Variants in TRIM46 observed in about 807,000 individuals in gnomAD.
The protein encoded by TRIM46 is tripartite motif containing 46.
TRIM46 carries 17 observed loss-of-function variants against 69.7 expected under a neutral mutation model. That is an observed-to-expected ratio of 0.24 (90% CI 0.17 to 0.37). The LOEUF (loss-of-function observed/expected upper bound fraction) is 0.37. TRIM46 is among the 10% of genes least tolerant of loss of function. The pLI is 1.00. For missense variants in TRIM46, 675 were observed against 1,025.1 expected, an observed-to-expected ratio of 0.66 and a Z score of 4.66; for synonymous variants, 391 against 429.0, an observed-to-expected ratio of 0.91 and a Z score of 1.09.
chr1:155,177,968 G>A lies in TRIM46; in HGVS notation c.910-34G>A, dbSNP rs1665816427. On this transcript the variant is annotated intron_variant, in intron 5 of 9. Transcript: ENST00000334634. The stretch of plus-strand genomic sequence containing the variant: ...GCTGCCTCCAAAAAGAAGATAGTAA[G>A]TCACGCATCCTTTGGGTGTTGCTCC... The A allele has an allele frequency of 3.1e-6, 5 of 1,602,590 alleles. No homozygotes were observed. In the South Asian group the frequency reaches 3.3e-5, roughly 11 times the overall value.
intron 9 of TRIM46, among the ~76,000 whole-genome samples, chr1:155,183,133 A>T (rs1182381875): frequency 6.6e-6 from 1 of 151,800 alleles, no homozygotes; most frequent in Non-Finnish European, 1.5e-5. Flanking sequence ...GATGGTCTCA[A>T]TCTCCTGACC....
At position 155,176,129 on chromosome 1, in the gene TRIM46, C is replaced by T. The variant is rs771476246; in HGVS notation, c.567C>T (p.Cys189=). 1.9e-6 allele frequency: 3 copies of T among 1,614,048 alleles called. No homozygotes were observed. Among genetic ancestry groups the T allele is most frequent in the Admixed American group, 3.3e-5 (2 of 60,022 alleles). ...PLEATKGCTE[C]RATFCNECFK... is the part of the protein sequence containing the mutation. ...AGGCCACCAAGGGCTGCACAGAGTG[C>T]CGCGCCACCTTCTGCAATGAGTGCT... The change falls in exon 3 of 10, where the codon TGC becomes TGT. Residue 189 remains cysteine, a synonymous_variant. Coordinates refer to ENST00000334634, the MANE Select transcript of TRIM46 (RefSeq NM_025058.5).
At chr1:155,177,977 C>T in intron 5 of TRIM46, 25 bp from the exon 6 acceptor site, 1 of 1,608,410 alleles carries the variant, frequency 6.2e-7, no homozygotes, top group Non-Finnish European at 8.5e-7. Context: ...AGTCACGCAT[C>T]CTTTGGGTGT....
chr1:155,174,893 C>A (rs542327785), intron 1 of TRIM46: 3 of 1,404,226 alleles, frequency 2.1e-6, no homozygotes, highest in Admixed American at 3.3e-5. Context: ...GGCCGCAGGC[C>A]GGAGCTGCGG....
chr1:155,181,942 G>C lies in TRIM46; in HGVS notation c.1679G>C (p.Gly560Ala). The C allele has an allele frequency of 6.2e-7, 1 of 1,614,110 alleles. No individual in the cohort carries two copies. Among genetic ancestry groups the C allele is most frequent in the Non-Finnish European group, 8.5e-7 (1 of 1,180,032 alleles). The change falls in exon 9 of 10, where the codon GGG becomes GCG. Residue 560 changes from glycine to alanine, a missense_variant. Transcript: ENST00000334634. The surrounding 1 kb of genome is among the most constrained non-coding windows in gnomAD (Gnocchi z 4.3). ...KDQRAVRSVP[G>A]LPLLLAADRL... ...CAGCGAGCAGTACGGAGTGTTCCAGGGCTGCCCCTGCTGCTGGCTGCTGAC... is the reference window on the plus strand; with the variant it reads ...CAGCGAGCAGTACGGAGTGTTCCAGCGCTGCCCCTGCTGCTGGCTGCTGAC...
chr1:155,184,850 C>CT lies in TRIM46; in HGVS notation c.*661dup, dbSNP rs1268681287. On this transcript the variant is annotated 3_prime_UTR_variant, in exon 10 of 10. Transcript: ENST00000334634. This position sits in a 1 kb window ranked among gnomAD's most constrained non-coding sequence, Gnocchi z 5.6. ...CATTGGGTTGGGCCAGGCAAGGCCTCTGGTGCCCGCTGCCGTCCCCCTGCA... is the reference window on the plus strand; with the variant it reads ...CATTGGGTTGGGCCAGGCAAGGCCTCTTGGTGCCCGCTGCCGTCCCCCTGCA... 6.5e-6 allele frequency: 1 copy of CT among 153,076 alleles called. No homozygotes were observed. Among genetic ancestry groups the CT allele is most frequent in the Non-Finnish European group, 1.5e-5 (1 of 68,344 alleles). The allele number at this position is 153,076 out of a possible 1,614,324, so 9.5% of individuals were successfully genotyped here. A position where few individuals can be genotyped will look rare whatever the true frequency, so the allele number is the denominator to read the frequency against.
At chr1:155,183,126 G>T (rs989551765) in intron 9 of TRIM46, among the ~76,000 whole-genome samples, 1 of 151,618 alleles carries the variant, frequency 6.6e-6, no homozygotes. Context: ...TAGCCAGGAT[G>T]GTCTCAATCT....
At chr1:155,174,168 T>TC in intron 1 of TRIM46, 139 bp downstream of exon 1, 1 of 1,023,820 alleles carries the variant, frequency 9.8e-7, no homozygotes, top group Non-Finnish European at 1.4e-6. Context: ...GCTGGGAGGG[T>TC]CGGGATGCAG....
rs200101530 is a variant in TRIM46, at chr1:155,182,090, C to T, written c.1827C>T (p.Val609=). 2.1e-4 allele frequency: 340 copies of T among 1,614,138 alleles called. No homozygotes were observed. Among genetic ancestry groups the T allele is most frequent in the Non-Finnish European group, 2.7e-4 (318 of 1,180,016 alleles). ...DPASYLVKVG[V]GLESKLQESF... ...CCTCCTACTTGGTCAAGGTGGGCGTCGGGCTGGAGAGCAAGCTTCAAGAAA... is the reference window on the plus strand; with the variant it reads ...CCTCCTACTTGGTCAAGGTGGGCGTTGGGCTGGAGAGCAAGCTTCAAGAAA... Residue 609 remains valine (V), a synonymous_variant, in exon 9 of 10, where the codon GTC becomes GTT. Transcript: ENST00000334634.
chr1:155,182,631 G>A (rs568569564), intron 9 of TRIM46: 14 of 177,566 alleles, frequency 7.9e-5, no homozygotes, highest in African/African-American at 2.1e-4. Context: ...ACTGGAGGTC[G>A]AGAGTTCGAG....
At chr1:155,176,889 CCA>C (rs1307630453) in intron 3 of TRIM46, 41 bp from the exon 4 acceptor site, 6 of 1,602,198 alleles carry the variant, frequency 3.7e-6, no homozygotes, top group Non-Finnish European at 5.1e-6. Flanking sequence ...GCACCCTTAC[CCA>C]CACCATTGTC....
intron 9 of TRIM46, among the ~76,000 whole-genome samples, chr1:155,183,066 A>G (rs996098587): frequency 2.6e-4 from 39 of 151,672 alleles, no homozygotes; most frequent in Admixed American, 5.3e-4. Flanking sequence ...ACCCGCCACC[A>G]TGCCCAGCTA....
intron 7 of TRIM46, 126 bp downstream of exon 7, chr1:155,178,739 T>TGGGGCCCCCCCCCCCCCCC: frequency 3.0e-6 from 4 of 1,348,456 alleles, no homozygotes; most frequent in Non-Finnish European, 3.1e-6. Flanking sequence ...CAGCCATTCC[T>TGGGGCCCCCCCCCCCCCCC]CCCACCCAGC....
In TRIM46 at chr1:155,175,925, G is replaced by C. The variant is rs201365356; in HGVS notation, c.363G>C (p.Leu121Phe). The change falls in exon 3 of 10, where the codon TTG becomes TTC. Residue 121 changes from leucine to phenylalanine, a missense_variant. Around this residue, in one of 5 missense-constraint regions of TRIM46, gnomAD observed 170 missense variants for 255.6 expected, o/e 0.67. Coordinates refer to ENST00000334634, the MANE Select transcript of TRIM46 (RefSeq NM_025058.5). This position sits in a 1 kb window ranked among gnomAD's most constrained non-coding sequence, Gnocchi z 4.2. ...GTYPGRKRGA[L>F]HPQVIMFPCP... ...ACCCTGGGAGGAAGCGAGGTGCTTT[G>C]CACCCCCAAGTGATCATGTTCCCGT... is the stretch of plus-strand genomic sequence containing the variant. 1 of 1,596,542 alleles carries C rather than the reference G, an allele frequency of 6.3e-7. No homozygotes were observed. The highest frequency in any genetic ancestry group is 8.6e-7 in the Non-Finnish European group (1 of 1,169,452).
chr1:155,180,866 C>T (rs1415102911), intron 8 of TRIM46, among the ~76,000 whole-genome samples: 1 of 151,904 alleles, frequency 6.6e-6, no homozygotes, highest in Non-Finnish European at 1.5e-5. Flanking sequence ...GCCGAGATCG[C>T]GCCATTGCAC....
At chr1:155,182,558 T>G in intron 9 of TRIM46, 1 of 270,718 alleles carries the variant, frequency 3.7e-6, no homozygotes, top group Non-Finnish European at 7.0e-6. Flanking sequence ...ATTCTTCCCT[T>G]AGCCGGATGC....
At chr1:155,176,817 G>T in intron 3 of TRIM46, 115 bp from the exon 4 acceptor site, 4 of 1,328,218 alleles carry the variant, frequency 3.0e-6, no homozygotes, top group Non-Finnish European at 4.2e-6. Context: ...CACCACCAGC[G>T]GATGTCTCCA....
At chr1:155,178,739 T>TTGGCCCCCCCC in intron 7 of TRIM46, 126 bp downstream of exon 7, 247 of 1,348,124 alleles carry the variant, frequency 1.8e-4, no homozygotes, top group Non-Finnish European at 2.3e-4. Context: ...CAGCCATTCC[T>TTGGCCCCCCCC]CCCACCCAGC....
rs758879181 is a variant in TRIM46, at chr1:155,179,864, C to G, written c.1518C>G (p.Val506=). ...CGGGCTCTGTGTATGTGCTGCGTGT[C>G]CGCGGCTGCAACAAGGCCGGCTACG... ...PDTGSVYVLR[V]RGCNKAGYGE... Residue 506 remains valine, a synonymous_variant, in exon 8 of 10, where the codon GTC becomes GTG. Transcript: ENST00000334634. The G allele has an allele frequency of 1.2e-6, 2 of 1,610,232 alleles. No homozygotes were observed. The highest frequency in any genetic ancestry group is 1.7e-6 in the Non-Finnish European group (2 of 1,177,044).
Sources: gnomAD v4.1 joint callset for allele counts (sites outside exome capture counted in the v4.1 genomes callset) on GRCh38, gnomAD v4.1.1 for gene constraint, gnomAD v4.1.1 regional missense constraint, Gnocchi (gnomAD v3.1) non-coding constraint, MANE v1.5 for transcripts, NCBI Gene and HGNC (gene_info 2026-07-23, HGNC 2026-07-21) for gene names.